The following TCF4 variants were observed in gnomAD, a reference collection of about 807,000 sequenced individuals.
TCF4 encodes SL3-3 enhancer factor 2.
TCF4 carries 3 observed loss-of-function variants against 82.1 expected under a neutral mutation model. The ratio of observed to expected loss-of-function variants is 0.04; its 90% CI spans 0.02 to 0.09. The LOEUF (loss-of-function observed/expected upper bound fraction) is 0.09, where lower values mean the gene tolerates loss of function less well. Ranked by LOEUF, TCF4 falls within the 10% of genes least tolerant of loss-of-function variation. TCF4 has a pLI of 1.00. For missense variants in TCF4, 518 were observed against 852.7 expected (o/e 0.61, Z 4.89); for synonymous variants, 276 against 309.6 (o/e 0.89, Z 1.14).
chr18:55,434,763 CGTGTGTGTGTGT>C lies in TCF4; in HGVS notation c.304+26244_304+26255del, dbSNP rs527450659. On this transcript the variant is annotated intron_variant, in intron 5 of 19. Transcript: ENST00000354452. The stretch of plus-strand genomic sequence containing the variant: ...ACATTCTGATCACCTCTCAAGTATT[CGTGTGTGTGTGT>C]GTGTGTGTGTGTGTGTGTGTGTATT... Among the ~76,000 whole-genome samples, 925 of 131,778 alleles carry C rather than the reference CGTGTGTGTGTGT, an allele frequency of 7.0e-3. 12 individuals are homozygous for C. The highest frequency in any genetic ancestry group is 0.025 in the African/African-American group (890 of 35,534). The allele number at this position is 131,778 out of a possible 152,430, so 86.5% of individuals were successfully genotyped here.
At chr18:55,585,950 C>G in intron 2 of TCF4, 1 of 1,274,826 alleles carries the variant, frequency 7.8e-7, no homozygotes, top group Non-Finnish European at 1.0e-6. Context: ...TCTTCTTCGA[C>G]GTATCTAGTG....
chr18:55,329,412 A>G (rs2077133345), intron 8 of TCF4, among the ~76,000 whole-genome samples: 1 of 152,228 alleles, frequency 6.6e-6, no homozygotes, highest in African/African-American at 2.4e-5. Flanking sequence ...ATCATCTTCT[A>G]TTAAAAGACA....
chr18:55,278,245 C>T (rs1327954169), intron 9 of TCF4, among the ~76,000 whole-genome samples: 1 of 152,128 alleles, frequency 6.6e-6, no homozygotes, highest in African/African-American at 2.4e-5. Flanking sequence ...CAAATGTGCT[C>T]CCCTTCCTGT....
At chr18:55,502,254 G>A (rs1234222622) in intron 3 of TCF4, among the ~76,000 whole-genome samples, 1 of 152,086 alleles carries the variant, frequency 6.6e-6, no homozygotes, top group Non-Finnish European at 1.5e-5. Flanking sequence ...ACCCCTTATG[G>A]TCTGAAATCT....
At chr18:55,297,169 T>C (rs1011834514) in intron 8 of TCF4, among the ~76,000 whole-genome samples, 3 of 136,776 alleles carry the variant, frequency 2.2e-5, no homozygotes, top group African/African-American at 8.0e-5. Flanking sequence ...TTTTTTTTTT[T>C]TATCCCTTAG....
chr18:55,487,607 T>C (rs1157789558), intron 3 of TCF4, among the ~76,000 whole-genome samples: 1 of 152,160 alleles, frequency 6.6e-6, no homozygotes, highest in African/African-American at 2.4e-5. Context: ...AAATATATTA[T>C]TACAAGATAC....
chr18:55,545,828 A>C (rs2097201972), intron 3 of TCF4, among the ~76,000 whole-genome samples: 1 of 152,216 alleles, frequency 6.6e-6, no homozygotes, highest in African/African-American at 2.4e-5. Context: ...GGGATACAGC[A>C]AAGATTAAAG....
rs75933755 is a variant in TCF4 at position 55,248,486 on chromosome 18, C to G, written c.1350+6011G>C. Among the ~76,000 whole-genome samples, 441 of 152,320 alleles carry G rather than the reference C, an allele frequency of 2.9e-3. 3 individuals are homozygous for G. Among genetic ancestry groups the G allele is most frequent in the African/African-American group, 0.01 (416 of 41,578 alleles). ...TGCTCCCATGACTATGTACCAATAA[C>G]TGCCACATCACATCAATGCCCACTA... On this transcript the variant is annotated intron_variant, in intron 15 of 19. Transcript: ENST00000354452.
intron 3 of TCF4, among the ~76,000 whole-genome samples, chr18:55,473,072 T>C (rs1319501586): frequency 1.3e-5 from 2 of 152,232 alleles, no homozygotes; most frequent in African/African-American, 2.4e-5. Flanking sequence ...ATCCATAATA[T>C]TGTAATGACT....
In TCF4 at chr18:55,275,767, G is replaced by A. The variant is rs2061398939; in HGVS notation, c.656-15C>T. On this transcript the variant is annotated splice_polypyrimidine_tract_variant and intron_variant, in intron 9 of 19. Transcript: ENST00000354452. ...GTGATGGCCATCTGTAAAGGACAAA[G>A]ACAACCATGACTTTCTGAGGCATTC... 1 of 1,613,686 alleles carries A rather than the reference G, an allele frequency of 6.2e-7. No individual in the cohort carries two copies.
intron 3 of TCF4, among the ~76,000 whole-genome samples, chr18:55,491,980 G>A (rs1402609697): frequency 6.6e-6 from 1 of 152,140 alleles, no homozygotes; most frequent in Non-Finnish European, 1.5e-5. Context: ...ATTGCAAAGT[G>A]TTTTCTATAC....
intron 3 of TCF4, among the ~76,000 whole-genome samples, chr18:55,538,096 G>A (rs929162517): frequency 6.6e-6 from 1 of 151,368 alleles, no homozygotes; most frequent in Non-Finnish European, 1.5e-5. Context: ...GAGAAAAAGG[G>A]CAAAGGTGTC....
At chr18:55,333,687 T>C (rs2078041590) in intron 8 of TCF4, among the ~76,000 whole-genome samples, 1 of 152,204 alleles carries the variant, frequency 6.6e-6, no homozygotes. Context: ...CACCCTACTG[T>C]GTATTACATC....
At chr18:55,253,172 C>G (rs539032988) in intron 15 of TCF4, among the ~76,000 whole-genome samples, 8 of 152,214 alleles carry the variant, frequency 5.3e-5, no homozygotes, top group African/African-American at 1.9e-4. Context: ...AATACTACAC[C>G]GTTCAGAATG....
intron 3 of TCF4, among the ~76,000 whole-genome samples, chr18:55,472,025 T>C (rs2096194996): frequency 6.6e-6 from 1 of 152,232 alleles, no homozygotes; most frequent in African/African-American, 2.4e-5. Flanking sequence ...TTAGCCTTAA[T>C]TAACATCCAA....
At chr18:55,361,444 G>C (rs991483349) in intron 6 of TCF4, among the ~76,000 whole-genome samples, 2 of 152,186 alleles carry the variant, frequency 1.3e-5, no homozygotes, top group African/African-American at 4.8e-5. Flanking sequence ...GAGTCACATG[G>C]AATTGCTCAC....
chr18:55,460,530 G>A (rs2095851898), intron 5 of TCF4, among the ~76,000 whole-genome samples: 1 of 152,146 alleles, frequency 6.6e-6, no homozygotes, highest in African/African-American at 2.4e-5. Flanking sequence ...TATACAATCA[G>A]ATTTTACAAT....
Position 55,232,443 on chromosome 18 carries a change from G to A in TCF4, c.1649+66C>T, listed in dbSNP as rs751749953. On this transcript the variant is annotated intron_variant, in intron 17 of 19. Coordinates refer to ENST00000354452, the MANE Select transcript of TCF4 (RefSeq NM_001083962.2). ...GGAAAAAACTGAATAGTTTCTTCCC[G>A]TTCTGTTCACTTCATCAAAGTCCAA... The A allele has an allele frequency of 1.2e-4, 198 of 1,584,242 alleles. 1 individual carries two copies. The highest frequency in any genetic ancestry group is 2.5e-4 in the Admixed American group (15 of 59,868).
At chr18:55,299,149 G>A (rs760172436) in intron 8 of TCF4, among the ~76,000 whole-genome samples, 6 of 152,012 alleles carry the variant, frequency 3.9e-5, no homozygotes, top group Non-Finnish European at 7.4e-5. Flanking sequence ...GGTGGCTCAC[G>A]CCTATAATCC....
Sources: gnomAD v4.1 joint callset for allele counts (sites outside exome capture counted in the v4.1 genomes callset) on GRCh38, gnomAD v4.1.1 for gene constraint, MANE v1.5 for transcripts, NCBI Gene and HGNC (gene_info 2026-07-23, HGNC 2026-07-21) for gene names.